RXFP1: variants seen among roughly 807,000 people sequenced by gnomAD.
RXFP1 encodes the protein relaxin receptor 1.
Under a neutral mutation model 89.8 loss-of-function variants are expected in RXFP1, and 73 were observed. The ratio of observed to expected loss-of-function variants is 0.81; its 90% CI spans 0.67 to 0.99. The LOEUF is 0.99. Ranked by LOEUF, RXFP1 falls within the 50% of genes least tolerant of loss-of-function variation. The pLI is 0.00. For synonymous variants in RXFP1, 277 were observed against 305.5 expected (o/e 0.91, Z 0.97); for missense variants, 793 against 895.5 (o/e 0.89, Z 1.46).
chr4:158,561,786 C>A, intron 1 of RXFP1, among the ~76,000 whole-genome samples: 1 of 151,772 alleles, frequency 6.6e-6, no homozygotes, highest in Admixed American at 6.6e-5. Flanking sequence ...TGCTACCATG[C>A]TCGGCTAATT....
In RXFP1 at chr4:158,632,756, C is replaced by A. The variant is rs1768320222; in HGVS notation, c.900-649C>A. ...ACACTTCCATAATAATCACAACAAT[C>A]CTAAGCGGAAGAAAAAAATTAAGAT... is the stretch of plus-strand genomic sequence containing the variant. On this transcript the variant is annotated intron_variant, in intron 11 of 17. Transcript: ENST00000307765. Among the ~76,000 whole-genome samples the A allele has an allele frequency of 2.0e-5, 3 of 152,106 alleles. No individual in the cohort carries two copies. In the South Asian group the frequency reaches 6.2e-4, roughly 32 times the overall value.
chr4:158,596,986 T>C (rs1760744108), intron 3 of RXFP1, among the ~76,000 whole-genome samples: 1 of 152,172 alleles, frequency 6.6e-6, no homozygotes, highest in South Asian at 2.1e-4. Flanking sequence ...TAAAAAAAAG[T>C]AATTTTTTTC....
intron 2 of RXFP1, among the ~76,000 whole-genome samples, chr4:158,573,531 G>T (rs1242858440): frequency 6.6e-6 from 1 of 152,054 alleles, no homozygotes; most frequent in Non-Finnish European, 1.5e-5. Flanking sequence ...TATCATTAAT[G>T]TAAGTGTATT....
Position 158,652,117 on chromosome 4 carries a change from T to A in RXFP1, c.*62T>A, listed in dbSNP as rs1772864397. The A allele has an allele frequency of 7.5e-7, 1 of 1,341,642 alleles. No homozygotes were observed. Among genetic ancestry groups the A allele is most frequent in the African/African-American group, 1.5e-5 (1 of 68,430 alleles). The allele number at this position is 1,341,642 out of a possible 1,614,324, so 83.1% of individuals were successfully genotyped here. ...TGGGGGTGCTTCATGAGGGATTTACTGGTATGAAATGAATACCACAAAATT... is the reference window on the plus strand; with the variant it reads ...TGGGGGTGCTTCATGAGGGATTTACAGGTATGAAATGAATACCACAAAATT... On this transcript the variant is annotated 3_prime_UTR_variant, in exon 18 of 18. Coordinates refer to ENST00000307765, the MANE Select transcript of RXFP1 (RefSeq NM_021634.4).
At chr4:158,560,601 C>A (rs570192665) in intron 1 of RXFP1, among the ~76,000 whole-genome samples, 1 of 152,314 alleles carries the variant, frequency 6.6e-6, no homozygotes, top group Non-Finnish European at 1.5e-5. Context: ...TTTTTCTCAC[C>A]TAAAGAGGAG....
chr4:158,589,524 T>C (rs1424388871), intron 2 of RXFP1, among the ~76,000 whole-genome samples: 1 of 152,168 alleles, frequency 6.6e-6, no homozygotes, highest in Non-Finnish European at 1.5e-5. Context: ...AGAAGCCTGG[T>C]AATGAAAGGG....
intron 1 of RXFP1, among the ~76,000 whole-genome samples, chr4:158,534,183 A>G (rs1744723248): frequency 6.6e-6 from 1 of 152,048 alleles, no homozygotes; most frequent in Non-Finnish European, 1.5e-5. Context: ...GTATATTATA[A>G]TGTGCTTTAT....
At chr4:158,539,092 T>C (rs1745976693) in intron 1 of RXFP1, among the ~76,000 whole-genome samples, 1 of 152,166 alleles carries the variant, frequency 6.6e-6, no homozygotes, top group South Asian at 2.1e-4. Context: ...CCTCCCATCA[T>C]GGGAAGCATT....
chr4:158,539,739 G>C (rs746653599), intron 1 of RXFP1, among the ~76,000 whole-genome samples: 10 of 152,096 alleles, frequency 6.6e-5, no homozygotes, highest in Non-Finnish European at 1.2e-4. Flanking sequence ...GTGGAATCTA[G>C]GAAGTATATT....
intron 1 of RXFP1, among the ~76,000 whole-genome samples, chr4:158,554,163 T>C (rs1750753312): frequency 6.6e-6 from 1 of 152,158 alleles, no homozygotes; most frequent in Non-Finnish European, 1.5e-5. Flanking sequence ...ACTAGCTTAG[T>C]CCCACCTTGT....
Position 158,647,167 on chromosome 4 carries a change from TG to T in RXFP1, c.1724del (p.Gly575GlufsTer21). On this transcript the variant is annotated frameshift_variant, in exon 16 of 18. Coordinates refer to ENST00000307765, the MANE Select transcript of RXFP1 (RefSeq NM_021634.4). LOFTEE classifies it high-confidence loss of function. The part of the protein sequence containing the change: ...PLHSEDTESI[G>X]AQIYSVAIFL... The stretch of plus-strand genomic sequence containing the variant: ...TTCATTCAGAAGATACAGAAAGTAT[TG>T]GAGCCCAGATTTATTCAGTGGCAAT... 6.2e-7 allele frequency: 1 copy of T among 1,603,272 alleles called. No individual in the cohort carries two copies. Among genetic ancestry groups the T allele is most frequent in the Non-Finnish European group, 8.5e-7 (1 of 1,175,652 alleles).
intron 1 of RXFP1, among the ~76,000 whole-genome samples, chr4:158,549,803 C>A (rs1183888686): frequency 1.3e-5 from 2 of 152,182 alleles, no homozygotes; most frequent in East Asian, 1.9e-4. Flanking sequence ...CTGATTGTTC[C>A]TCTGGAAGTT....
intron 9 of RXFP1, among the ~76,000 whole-genome samples, chr4:158,621,102 C>A (rs1765545010): frequency 6.6e-6 from 1 of 151,972 alleles, no homozygotes; most frequent in African/African-American, 2.4e-5. Context: ...CACACCATTG[C>A]ACTCCCGCCT....
At chr4:158,620,033 A>T (rs1167768066) in intron 9 of RXFP1, among the ~76,000 whole-genome samples, 1 of 152,220 alleles carries the variant, frequency 6.6e-6, no homozygotes, top group Non-Finnish European at 1.5e-5. Context: ...ACCAGCAATA[A>T]CTCAGATTTT....
At chr4:158,558,749 G>A (rs1420660333) in intron 1 of RXFP1, among the ~76,000 whole-genome samples, 1 of 152,110 alleles carries the variant, frequency 6.6e-6, no homozygotes, top group Non-Finnish European at 1.5e-5. Context: ...GGCTGCTGCT[G>A]GTCATGTATA....
At chr4:158,557,382 AG>A (rs1453891753) in intron 1 of RXFP1, among the ~76,000 whole-genome samples, 9 of 152,162 alleles carry the variant, frequency 5.9e-5, no homozygotes, top group African/African-American at 2.2e-4. Context: ...AATTCCTTAA[AG>A]TATCAGTTTG....
At chr4:158,626,455 G>A (rs61565252) in intron 9 of RXFP1, among the ~76,000 whole-genome samples, 33,657 of 151,852 alleles carry the variant, frequency 0.22, 5,522 homozygotes, top group African/African-American at 0.46. Context: ...AAATGCCATC[G>A]GTAACTTTGG....
chr4:158,572,870 G>A, intron 2 of RXFP1, 35 bp downstream of exon 2: 1 of 1,606,736 alleles, frequency 6.2e-7, no homozygotes, highest in South Asian at 1.1e-5. Flanking sequence ...GTGAGAGAAA[G>A]GAGCAGAAAG....
At chr4:158,533,270 C>T (rs1744497437) in intron 1 of RXFP1, among the ~76,000 whole-genome samples, 1 of 152,162 alleles carries the variant, frequency 6.6e-6, no homozygotes, top group African/African-American at 2.4e-5. Flanking sequence ...AAGGTGAGGA[C>T]TCAGGAAAGT....
Sources: gnomAD v4.1 joint callset for allele counts (sites outside exome capture counted in the v4.1 genomes callset) on GRCh38, gnomAD v4.1.1 for gene constraint, MANE v1.5 for transcripts, NCBI Gene and HGNC (gene_info 2026-07-23, HGNC 2026-07-21) for gene names.